Variants in LRGUK observed in about 807,000 individuals in gnomAD.
LRGUK encodes leucine-rich repeat and guanylate kinase domain-containing protein.
In LRGUK, 65 loss-of-function variants were observed where a neutral mutation model predicts 76.0. The ratio of observed to expected loss-of-function variants is 0.85; its 90% CI spans 0.70 to 1.05. The LOEUF (loss-of-function observed/expected upper bound fraction) is 1.05. Among genes scored for constraint, LRGUK ranks in the 50% least tolerant of loss-of-function variants. The pLI is 0.00. For synonymous variants in LRGUK, 268 were observed against 265.6 expected (o/e 1.01, Z -0.09); for missense variants, 758 against 732.8 (o/e 1.03, Z -0.40).
At chr7:134,257,673 G>T (rs1292905370) in intron 18 of LRGUK, among the ~76,000 whole-genome samples, 3 of 152,120 alleles carry the variant, frequency 2.0e-5, no homozygotes, top group African/African-American at 7.2e-5. Flanking sequence ...AGGCAATGGT[G>T]CATGCCTGTG....
chr7:134,238,768 G>A (rs2117188240), intron 16 of LRGUK, among the ~76,000 whole-genome samples: 1 of 151,640 alleles, frequency 6.6e-6, no homozygotes, highest in East Asian at 1.9e-4. Context: ...AATAACTTTG[G>A]GATTCCACTA....
At chr7:134,147,697 G>A (rs1798033966) in intron 4 of LRGUK, among the ~76,000 whole-genome samples, 1 of 152,112 alleles carries the variant, frequency 6.6e-6, no homozygotes, top group Non-Finnish European at 1.5e-5. Flanking sequence ...TTATTGGGAG[G>A]TTCCTGTGCA....
At chr7:134,247,753 C>T (rs560338089) in intron 17 of LRGUK, 109 bp downstream of exon 17, 1 of 739,848 alleles carries the variant, frequency 1.4e-6, no homozygotes, top group East Asian at 2.8e-5. Context: ...TAAAATGGAC[C>T]CAGTGTTTCA....
chr7:134,150,856 A>C (rs890793134), intron 5 of LRGUK, among the ~76,000 whole-genome samples: 2 of 148,110 alleles, frequency 1.4e-5, no homozygotes, highest in Admixed American at 6.8e-5. Context: ...AGATGTAGCA[A>C]TTGAGTCATC....
intron 12 of LRGUK, among the ~76,000 whole-genome samples, chr7:134,194,036 A>G (rs1376757719): frequency 6.6e-6 from 1 of 152,266 alleles, no homozygotes; most frequent in African/African-American, 2.4e-5. Flanking sequence ...ACACATACAC[A>G]GTCCCCACAG....
intron 10 of LRGUK, among the ~76,000 whole-genome samples, chr7:134,182,938 T>A (rs1799817166): frequency 6.6e-6 from 1 of 152,238 alleles, no homozygotes; most frequent in African/African-American, 2.4e-5. Flanking sequence ...TTCTGTATTT[T>A]CAGTAGAGAC....
intron 7 of LRGUK, among the ~76,000 whole-genome samples, chr7:134,170,049 G>C (rs901042902): frequency 2.0e-5 from 3 of 151,830 alleles, no homozygotes; most frequent in Non-Finnish European, 4.4e-5. Flanking sequence ...TGTCACTCTG[G>C]TAGAGAAAAA....
intron 7 of LRGUK, among the ~76,000 whole-genome samples, chr7:134,173,024 C>G (rs1799322325): frequency 6.6e-6 from 1 of 151,914 alleles, no homozygotes. Flanking sequence ...AGAATAAGAG[C>G]AGATGGAATG....
intron 4 of LRGUK, among the ~76,000 whole-genome samples, chr7:134,145,538 C>T (rs113520200): frequency 0.12 from 18,496 of 152,130 alleles, 1,415 homozygotes; most frequent in East Asian, 0.32. Flanking sequence ...TGAGCTGCTG[C>T]GCCTGGCCTC....
intron 15 of LRGUK, among the ~76,000 whole-genome samples, chr7:134,219,340 C>T (rs1392583977): frequency 6.6e-6 from 1 of 152,020 alleles, no homozygotes; most frequent in Admixed American, 6.6e-5. Flanking sequence ...CGTTTTGTTC[C>T]CAAGAAATCA....
intron 1 of LRGUK, among the ~76,000 whole-genome samples, chr7:134,132,559 A>T (rs944157510): frequency 6.6e-6 from 1 of 152,198 alleles, no homozygotes; most frequent in African/African-American, 2.4e-5. Context: ...ACTAAGGCAT[A>T]AAAAGCAAAC....
At chr7:134,176,860 T>C (rs1317956147) in intron 8 of LRGUK, 117 bp from the exon 9 acceptor site, 1 of 618,380 alleles carries the variant, frequency 1.6e-6, no homozygotes, top group Non-Finnish European at 2.9e-6. Context: ...TGTGAGGGTG[T>C]GTGTGGGAAT....
In LRGUK at chr7:134,143,046, CTG is replaced by C. The variant is rs1291929435; in HGVS notation, c.488-14_488-13del. On this transcript the variant is annotated splice_polypyrimidine_tract_variant and intron_variant, in intron 3 of 15. Coordinates refer to ENST00000645682, the Ensembl canonical transcript of LRGUK. ...TTTATTGGCTTACCTTATTCTGTAT[CTG>C]TTTCCCTCCGTAGATTTATCTTGTG... 1 of 1,347,496 alleles carries C rather than the reference CTG, an allele frequency of 7.4e-7. No homozygotes were observed. Among genetic ancestry groups the C allele is most frequent in the Admixed American group, 1.7e-5 (1 of 59,264 alleles). The allele number at this position is 1,347,496 out of a possible 1,614,324, so 83.5% of individuals were successfully genotyped here.
At chr7:134,218,100 T>G (rs1335749146) in intron 15 of LRGUK, among the ~76,000 whole-genome samples, 1 of 152,132 alleles carries the variant, frequency 6.6e-6, no homozygotes, top group Non-Finnish European at 1.5e-5. Context: ...TAGCTGGGAT[T>G]ACAGGTGCAT....
At chr7:134,249,726 G>A (rs896711966) in intron 18 of LRGUK, among the ~76,000 whole-genome samples, 10 of 152,156 alleles carry the variant, frequency 6.6e-5, no homozygotes, top group African/African-American at 2.4e-4. Context: ...AAATGTTTAC[G>A]CTGAGGGTCC....
intron 16 of LRGUK, among the ~76,000 whole-genome samples, chr7:134,222,995 C>CA (rs1378928265): frequency 2.6e-5 from 4 of 152,112 alleles, no homozygotes; most frequent in Admixed American, 2.0e-4. Context: ...TTACTTCAGG[C>CA]AAAAAGTCTT....
At chr7:134,134,159 C>CT (rs1352116408) in intron 1 of LRGUK, among the ~76,000 whole-genome samples, 1 of 152,094 alleles carries the variant, frequency 6.6e-6, no homozygotes, top group Admixed American at 6.5e-5. Context: ...AGAAAGGTGT[C>CT]TATCTGTGAA....
chr7:134,252,841 G>A (rs190624701), intron 18 of LRGUK, among the ~76,000 whole-genome samples: 1 of 152,252 alleles, frequency 6.6e-6, no homozygotes, highest in Admixed American at 6.5e-5. Flanking sequence ...TCAAGGACAG[G>A]CCCAGATGAT....
At chr7:134,218,652 A>G (rs1209816723) in intron 15 of LRGUK, among the ~76,000 whole-genome samples, 1 of 152,170 alleles carries the variant, frequency 6.6e-6, no homozygotes, top group Admixed American at 6.5e-5. Flanking sequence ...TTTTGCAGTA[A>G]ATGGCCCTAT....
Sources: allele counts gnomAD v4.1 joint callset (sites outside exome capture counted in the v4.1 genomes callset), GRCh38; gene constraint gnomAD v4.1.1; transcripts MANE v1.5; gene names NCBI Gene and HGNC (gene_info 2026-07-23, HGNC 2026-07-21).